The following PDE4D variants were observed in gnomAD, a reference collection of about 807,000 sequenced individuals.
The protein encoded by PDE4D is 3',5'-cyclic-AMP phosphodiesterase 4D.
In PDE4D, 24 loss-of-function variants were observed where a neutral mutation model predicts 87.4. The observed-to-expected ratio is 0.27, with a 90% confidence interval of 0.20 to 0.39. The LOEUF is 0.39. Among genes scored for constraint, PDE4D ranks in the 10% least tolerant of loss-of-function variants. PDE4D has a pLI of 1.00. For synonymous variants in PDE4D, 384 were observed against 383.2 expected, an observed-to-expected ratio of 1.00 and a Z score of -0.02; for missense variants, 714 against 1,041.0, an observed-to-expected ratio of 0.69 and a Z score of 4.32.
intron 1 of PDE4D, among the ~76,000 whole-genome samples, chr5:60,264,432 G>T (rs1434071085): frequency 6.6e-6 from 1 of 152,148 alleles, no homozygotes; most frequent in African/African-American, 2.4e-5. Context: ...TAGAATGAAA[G>T]CTCTCTGCCT....
intron 1 of PDE4D, among the ~76,000 whole-genome samples, chr5:59,270,741 C>A (rs984968624): frequency 6.6e-6 from 1 of 152,122 alleles, no homozygotes; most frequent in South Asian, 2.1e-4. Context: ...GAAATATTCA[C>A]AACATGAACA....
intron 1 of PDE4D, among the ~76,000 whole-genome samples, chr5:60,248,746 G>T (rs1251206656): frequency 2.6e-5 from 4 of 151,898 alleles, no homozygotes; most frequent in Admixed American, 2.0e-4. Context: ...GGTTGGTATT[G>T]GTGTCAAAAT....
chr5:59,012,638 C>T (rs1164073622), intron 6 of PDE4D, among the ~76,000 whole-genome samples: 2 of 152,090 alleles, frequency 1.3e-5, no homozygotes, highest in Non-Finnish European at 2.9e-5. Flanking sequence ...TACAGGAGCA[C>T]CCAGATTCAT....
intron 1 of PDE4D, among the ~76,000 whole-genome samples, chr5:59,329,576 T>TCATGA: frequency 6.6e-6 from 1 of 152,290 alleles, no homozygotes; most frequent in East Asian, 1.9e-4. Context: ...TGTCTAAAGG[T>TCATGA]CATGATTTGG....
chr5:60,040,842 G>A (rs1269632179), intron 2 of PDE4D, among the ~76,000 whole-genome samples: 1 of 152,120 alleles, frequency 6.6e-6, no homozygotes, highest in Non-Finnish European at 1.5e-5. Context: ...AAAACTCAAT[G>A]AGGTAACATT....
At chr5:59,100,299 G>A (rs1199931676) in intron 5 of PDE4D, among the ~76,000 whole-genome samples, 3 of 152,080 alleles carry the variant, frequency 2.0e-5, no homozygotes, top group South Asian at 2.1e-4. Context: ...CTCTGTTTGC[G>A]CCCTACATAC....
At chr5:59,461,350 T>C (rs1027333398) in intron 1 of PDE4D, among the ~76,000 whole-genome samples, 3 of 152,084 alleles carry the variant, frequency 2.0e-5, no homozygotes, top group African/African-American at 7.2e-5. Flanking sequence ...TCTGTAGTGT[T>C]TGGATTTTTT....
chr5:60,101,678 T>A (rs949005057), intron 2 of PDE4D, among the ~76,000 whole-genome samples: 1 of 152,126 alleles, frequency 6.6e-6, no homozygotes, highest in Admixed American at 6.6e-5. Context: ...CTAAGTAGAA[T>A]CTTAGAAGCT....
intron 1 of PDE4D, among the ~76,000 whole-genome samples, chr5:59,335,647 C>T (rs1013864834): frequency 6.6e-6 from 1 of 152,000 alleles, no homozygotes; most frequent in Non-Finnish European, 1.5e-5. Context: ...TAAGTGTCTC[C>T]CTCTCAGGGA....
chr5:59,621,030 T>C (rs557301473), intron 1 of PDE4D, among the ~76,000 whole-genome samples: 1 of 152,158 alleles, frequency 6.6e-6, no homozygotes, highest in Admixed American at 6.6e-5. Flanking sequence ...TGTGGCCCCC[T>C]AGAGTAGGAG....
At chr5:59,666,239 C>T (rs1287012850) in intron 1 of PDE4D, among the ~76,000 whole-genome samples, 1 of 152,108 alleles carries the variant, frequency 6.6e-6, no homozygotes, top group East Asian at 1.9e-4. Context: ...GAGATTACAG[C>T]CGTGAACCAC....
intron 1 of PDE4D, among the ~76,000 whole-genome samples, chr5:60,422,885 G>A (rs546886913): frequency 7.1e-4 from 108 of 152,196 alleles, no homozygotes; most frequent in Non-Finnish European, 1.3e-3. Context: ...AAGAAGCAGG[G>A]GTTGCAATCC....
chr5:60,302,123 C>T (rs1303413213), intron 1 of PDE4D, among the ~76,000 whole-genome samples: 1 of 151,986 alleles, frequency 6.6e-6, no homozygotes, highest in Non-Finnish European at 1.5e-5. Flanking sequence ...AGGATATTGG[C>T]CTGAAGTTTT....
At chr5:59,400,664 C>T (rs1790428364) in intron 1 of PDE4D, among the ~76,000 whole-genome samples, 1 of 151,238 alleles carries the variant, frequency 6.6e-6, no homozygotes. Context: ...AGCACACCAG[C>T]ATGGCACATG....
At chr5:60,243,915 A>G (rs1747413366) in intron 1 of PDE4D, among the ~76,000 whole-genome samples, 1 of 151,938 alleles carries the variant, frequency 6.6e-6, no homozygotes. Context: ...GCCCATTTTT[A>G]CCACTGTTAC....
intron 6 of PDE4D, among the ~76,000 whole-genome samples, chr5:59,024,098 T>G (rs1755759764): frequency 6.8e-6 from 1 of 147,818 alleles, no homozygotes. Context: ...GGCCAGGTTT[T>G]GCCATGTTGG....
intron 3 of PDE4D, among the ~76,000 whole-genome samples, chr5:59,972,060 A>C (rs550539163): frequency 6.6e-6 from 1 of 152,284 alleles, no homozygotes; most frequent in Non-Finnish European, 1.5e-5. Context: ...CAGCAGCTAC[A>C]ACAGATGCCA....
At chr5:60,219,643 A>G (rs1301268808) in intron 1 of PDE4D, among the ~76,000 whole-genome samples, 1 of 152,174 alleles carries the variant, frequency 6.6e-6, no homozygotes, top group Non-Finnish European at 1.5e-5. Flanking sequence ...TCTCCATTGA[A>G]ATATTGGCAT....
At chr5:59,916,164 A>G (rs1754023087) in intron 3 of PDE4D, among the ~76,000 whole-genome samples, 1 of 152,222 alleles carries the variant, frequency 6.6e-6, no homozygotes, top group Admixed American at 6.5e-5. Flanking sequence ...GAAAAGGACA[A>G]TGGTGGCCCT....
Sources: allele counts gnomAD v4.1 joint callset (sites outside exome capture counted in the v4.1 genomes callset), GRCh38; gene constraint gnomAD v4.1.1; transcripts MANE v1.5; gene names NCBI Gene and HGNC (gene_info 2026-07-23, HGNC 2026-07-21).